The following PSD3 variants were observed in gnomAD, a reference collection of about 807,000 sequenced individuals.
The protein encoded by PSD3 is pleckstrin and Sec7 domain containing 3.
PSD3 carries 49 observed loss-of-function variants against 105.5 expected under a neutral mutation model. The ratio of observed to expected loss-of-function variants is 0.46; its 90% confidence interval spans 0.37 to 0.59. The LOEUF (loss-of-function observed/expected upper bound fraction) is 0.59. Among genes scored for constraint, PSD3 ranks in the 20% least tolerant of loss-of-function variants. PSD3 has a pLI of 0.00. For synonymous variants in PSD3, 557 were observed against 457.8 expected, an observed-to-expected ratio of 1.22 and a Z score of -2.77; for missense variants, 1,561 against 1,263.8, an observed-to-expected ratio of 1.24 and a Z score of -3.57.
intron 1 of PSD3, among the ~76,000 whole-genome samples, chr8:18,996,865 A>G (rs1826104087): frequency 6.6e-6 from 1 of 151,876 alleles, no homozygotes; most frequent in Admixed American, 6.6e-5. Context: ...AACCTCAGCA[A>G]TGACATCTCC....
In PSD3 at chr8:18,572,591, T is replaced by G; in HGVS notation, c.2721A>C (p.Ala907=). The change falls in exon 14 of 16, where the codon GCA becomes GCC. Residue 907 remains alanine (A), a synonymous_variant. Transcript: ENST00000327040. ...AVFSAPPFPA[A]IGSQKKFSRP... ...GGCTAAACTTCTTCTGAGAGCCGAT[T>G]GCTGCTGGAAATGGTGGTGCAGAAA... The G allele has an allele frequency of 6.2e-7, 1 of 1,614,138 alleles. No homozygotes were observed. Among genetic ancestry groups the G allele is most frequent in the Non-Finnish European group, 8.5e-7 (1 of 1,179,970 alleles).
At chr8:18,672,969 T>A (rs971685835) in intron 9 of PSD3, among the ~76,000 whole-genome samples, 5 of 152,118 alleles carry the variant, frequency 3.3e-5, no homozygotes, top group Non-Finnish European at 7.3e-5. Context: ...TCCTTCTGAT[T>A]CATTAAAAAA....
chr8:18,846,872 T>A (rs772258281), intron 4 of PSD3, among the ~76,000 whole-genome samples: 2 of 152,052 alleles, frequency 1.3e-5, no homozygotes, highest in Non-Finnish European at 2.9e-5. Context: ...AACAACCTCA[T>A]TTTAAAGATG....
At chr8:18,787,560 T>C (rs1809285226) in intron 8 of PSD3, among the ~76,000 whole-genome samples, 1 of 152,170 alleles carries the variant, frequency 6.6e-6, no homozygotes, top group African/African-American at 2.4e-5. Flanking sequence ...CTTAAATATT[T>C]GGCTAATCAA....
At chr8:18,575,923 C>T (rs566934585) in intron 12 of PSD3, among the ~76,000 whole-genome samples, 1 of 152,266 alleles carries the variant, frequency 6.6e-6, no homozygotes, top group South Asian at 2.1e-4. Flanking sequence ...ATGCTACCAA[C>T]TGTTAGATAT....
intron 11 of PSD3, among the ~76,000 whole-genome samples, chr8:18,607,059 G>A (rs1804890849): frequency 6.6e-6 from 1 of 152,152 alleles, no homozygotes; most frequent in African/African-American, 2.4e-5. Flanking sequence ...AAAATATCCA[G>A]GTGACAATTC....
In PSD3 at chr8:19,013,479, G is replaced by A. The variant is rs1199684379; in HGVS notation, c.21+84C>T. Reference sequence around the variant, plus strand: ...TGGCCCCGGGATCCTGGGGGACAGAGCGGCGACAAAGCAACACAAACCCCA... The same window carrying A: ...TGGCCCCGGGATCCTGGGGGACAGAACGGCGACAAAGCAACACAAACCCCA... On this transcript the variant is annotated intron_variant, in intron 1 of 15. Coordinates refer to ENST00000327040, the MANE Select transcript of PSD3 (RefSeq NM_015310.4). The A allele has an allele frequency of 9.6e-6, 15 of 1,561,930 alleles. No individual in the cohort carries two copies. In the East Asian group the frequency reaches 3.3e-4, roughly 35 times the overall value.
At chr8:18,985,095 G>A (rs1379067035) in intron 1 of PSD3, among the ~76,000 whole-genome samples, 1 of 152,172 alleles carries the variant, frequency 6.6e-6, no homozygotes, top group African/African-American at 2.4e-5. Context: ...CACCACACCC[G>A]GCTAATTTTT....
At chr8:18,914,585 A>G (rs1339106619) in intron 2 of PSD3, among the ~76,000 whole-genome samples, 7 of 152,332 alleles carry the variant, frequency 4.6e-5, no homozygotes, top group Non-Finnish European at 8.8e-5. Context: ...CTATCCAAAA[A>G]AAGATATCAA....
intron 2 of PSD3, among the ~76,000 whole-genome samples, chr8:18,903,279 T>C (rs2129461368): frequency 6.6e-6 from 1 of 152,204 alleles, no homozygotes; most frequent in African/African-American, 2.4e-5. Flanking sequence ...GAACGGCAAC[T>C]CGGGTCCCAG....
Position 18,705,920 on chromosome 8 carries a change from T to A in PSD3, c.2173-50235A>T, listed in dbSNP as rs148824148. 4.7e-3 allele frequency among the ~76,000 whole-genome samples: 721 copies of A among 152,310 alleles called. 5 individuals are homozygous for A. Among genetic ancestry groups the A allele is most frequent in the African/African-American group, 0.016 (672 of 41,584 alleles). On this transcript the variant is annotated intron_variant, in intron 9 of 15. Transcript: ENST00000327040. The stretch of plus-strand genomic sequence containing the variant: ...TCAAAAATACTACTTTTCACAAATA[T>A]CTACTGCATATCCTACTCCCAAGGT...
At chr8:18,954,881 C>T (rs181845425) in intron 1 of PSD3, among the ~76,000 whole-genome samples, 259 of 152,230 alleles carry the variant, frequency 1.7e-3, no homozygotes, top group Non-Finnish European at 3.0e-3. Flanking sequence ...AATCTTTCCA[C>T]CCTCATCCCA....
intron 4 of PSD3, among the ~76,000 whole-genome samples, chr8:18,850,767 G>A (rs17127320): frequency 0.037 from 5,661 of 152,198 alleles, 347 homozygotes; most frequent in African/African-American, 0.13. Context: ...ATGAGAGGAC[G>A]CGACTCTTCC....
Position 18,623,974 on chromosome 8 carries a change from T to C in PSD3, c.2410+8639A>G, listed in dbSNP as rs200629383. Among the ~76,000 whole-genome samples the C allele has an allele frequency of 2.9e-4, 44 of 152,332 alleles. No individual in the cohort carries two copies. The East Asian group carries it at 8.3e-3, about 29-fold the overall frequency. Reference sequence around the variant, plus strand: ...GGTGAGATTCCTCCATGTTGATACGTGGAACTCTAGCTCCTTCCTTTTCAA... The same window carrying C: ...GGTGAGATTCCTCCATGTTGATACGCGGAACTCTAGCTCCTTCCTTTTCAA... On this transcript the variant is annotated intron_variant, in intron 11 of 15. Coordinates refer to ENST00000327040, the MANE Select transcript of PSD3 (RefSeq NM_015310.4).
chr8:18,572,610 G>A lies in PSD3; in HGVS notation c.2702C>T (p.Ala901Val). 6.2e-7 allele frequency: 1 copy of A among 1,614,098 alleles called. No individual in the cohort carries two copies. The highest frequency in any genetic ancestry group is 8.5e-7 in the Non-Finnish European group (1 of 1,179,956). The part of the protein sequence containing the change: ...KINCVAAVFS[A>V]PPFPAAIGSQ... ...GCCGATTGCTGCTGGAAATGGTGGTGCAGAAAATACAGCTGCCACACAATT... is the reference window on the plus strand; with the variant it reads ...GCCGATTGCTGCTGGAAATGGTGGTACAGAAAATACAGCTGCCACACAATT... The change falls in exon 14 of 16, where the codon GCA becomes GTA. Residue 901 changes from alanine (A) to valine (V), a missense_variant. Physicochemically the swap from Ala to Val is moderately conservative, Grantham distance 64. Transcript: ENST00000327040.
chr8:19,075,201 G>T (rs1404811841), intron 1 of PSD3, among the ~76,000 whole-genome samples: 1 of 152,092 alleles, frequency 6.6e-6, no homozygotes, highest in Non-Finnish European at 1.5e-5. Flanking sequence ...GCCCACCTCG[G>T]CCTCCCAAAG....
chr8:18,560,648 A>G (rs933917714), intron 14 of PSD3, among the ~76,000 whole-genome samples: 3 of 152,150 alleles, frequency 2.0e-5, no homozygotes, highest in Admixed American at 6.6e-5. Flanking sequence ...AATATATACA[A>G]CAACATTTTA....
intron 9 of PSD3, among the ~76,000 whole-genome samples, chr8:18,761,383 C>A (rs987397080): frequency 6.6e-6 from 1 of 152,104 alleles, no homozygotes; most frequent in Non-Finnish European, 1.5e-5. Context: ...GTCCTTCCAG[C>A]CCACTTTAGG....
chr8:18,762,610 A>G lies in PSD3; in HGVS notation c.2172+2839T>C, dbSNP rs191405905. On this transcript the variant is annotated intron_variant, in intron 9 of 15. Transcript: ENST00000327040. ...TACACATATCCATATCTTACACTGTAAACACCCTGTAGGGGAAAAAATGTC... is the reference window on the plus strand; with the variant it reads ...TACACATATCCATATCTTACACTGTGAACACCCTGTAGGGGAAAAAATGTC... 2.1e-3 allele frequency among the ~76,000 whole-genome samples: 323 copies of G among 152,328 alleles called. 8 individuals are homozygous for G. Among genetic ancestry groups the G allele is most frequent in the Admixed American group, 0.019 (297 of 15,302 alleles).
Sources: gnomAD v4.1 joint callset for allele counts (sites outside exome capture counted in the v4.1 genomes callset) on GRCh38, gnomAD v4.1.1 for gene constraint, MANE v1.5 for transcripts, NCBI Gene and HGNC (gene_info 2026-07-23, HGNC 2026-07-21) for gene names.